Variants in SH3D19 observed in about 807,000 individuals in gnomAD.
The protein encoded by SH3D19 is SH3 domain-containing protein 19.
Under a neutral mutation model 112.1 loss-of-function variants are expected in SH3D19, and 58 were observed. That is an observed-to-expected ratio of 0.52 (90% CI 0.42 to 0.64). The LOEUF is 0.64. SH3D19 is among the 30% of genes least tolerant of loss of function. The probability of loss-of-function intolerance (pLI) is 0.00; values close to 1 mark genes in which losing one functional copy is unlikely to be tolerated. For synonymous variants in SH3D19, 391 were observed against 448.5 expected, an observed-to-expected ratio of 0.87 and a Z score of 1.62; for missense variants, 1,090 against 1,263.4, an observed-to-expected ratio of 0.86 and a Z score of 2.08.
At chr4:151,145,954 A>G (rs1385652353) in intron 11 of SH3D19, among the ~76,000 whole-genome samples, 1 of 152,230 alleles carries the variant, frequency 6.6e-6, no homozygotes, top group Admixed American at 6.5e-5. Flanking sequence ...AAAGTGCTTC[A>G]AACAGCGCCT....
At chr4:151,240,715 CT>C (rs1770484610) in intron 1 of SH3D19, among the ~76,000 whole-genome samples, 1 of 151,938 alleles carries the variant, frequency 6.6e-6, no homozygotes, top group Admixed American at 6.6e-5. Flanking sequence ...GGTACAGTTG[CT>C]TTGGAAAACA....
At chr4:151,169,403 T>C (rs1758664005) in intron 7 of SH3D19, among the ~76,000 whole-genome samples, 1 of 152,154 alleles carries the variant, frequency 6.6e-6, no homozygotes, top group Non-Finnish European at 1.5e-5. Context: ...CTGTGCTCAC[T>C]GAGTCAGTGA....
Position 151,221,596 on chromosome 4 carries a change from T to G in SH3D19, c.152+4451A>C, listed in dbSNP as rs544232986. ...TTTGAGAGTCAGGTTCTTCCCGATT[T>G]GTAAGGTAAAAATACTGATATTTCC... is the stretch of plus-strand genomic sequence containing the variant. On this transcript the variant is annotated intron_variant, in intron 2 of 19. Transcript: ENST00000604030. 3.9e-5 allele frequency among the ~76,000 whole-genome samples: 6 copies of G among 152,368 alleles called. No homozygotes were observed. In the South Asian group the frequency reaches 1.2e-3, roughly 32 times the overall value.
chr4:151,257,540 G>A (rs187826569), intron 1 of SH3D19, among the ~76,000 whole-genome samples: 135 of 152,086 alleles, frequency 8.9e-4, no homozygotes, highest in African/African-American at 3.0e-3. Flanking sequence ...AATATTAAAG[G>A]GTCTCAACAA....
chr4:151,265,696 C>A (rs938973981), intron 1 of SH3D19, among the ~76,000 whole-genome samples: 1 of 151,256 alleles, frequency 6.6e-6, no homozygotes, highest in African/African-American at 2.4e-5. Context: ...CATGCCTCAG[C>A]CTCCGGAGTA....
Position 151,175,225 on chromosome 4 carries a change from T to C in SH3D19, c.979A>G (p.Thr327Ala), listed in dbSNP as rs137967875. 348 of 1,614,100 alleles carry C rather than the reference T, an allele frequency of 2.2e-4. 2 individuals carry two copies. Among genetic ancestry groups the C allele is most frequent in the South Asian group, 1.3e-3 (116 of 91,090 alleles). ...ACAGAAGGTTTCCCTGAGGAAACAG[T>C]AGGCTTTGGAGGAAGTGAACGTGGA... ...ITPRSLPPKP[T>A]VSSGKPSVAP... is the part of the protein sequence containing the mutation. Residue 327 changes from threonine (T) to alanine (A), a missense_variant, in exon 7 of 20, where the codon ACT (threonine) becomes GCT (alanine). By Grantham distance (58) the Thr-to-Ala change is moderately conservative (BLOSUM62 0). Transcript: ENST00000604030.
chr4:151,196,438 C>T (rs899799397), intron 2 of SH3D19, among the ~76,000 whole-genome samples: 20 of 151,768 alleles, frequency 1.3e-4, no homozygotes, highest in African/African-American at 4.3e-4. Flanking sequence ...CAAAAACAAA[C>T]AAACAAAACA....
At position 151,175,391 on chromosome 4, in the gene SH3D19, G is replaced by A. The variant is rs563064055; in HGVS notation, c.813C>T (p.Asn271=). Residue 271 remains asparagine (N), a synonymous_variant, in exon 7 of 20, where the codon AAC becomes AAT. Coordinates refer to ENST00000604030, the MANE Select transcript of SH3D19 (RefSeq NM_001378122.1). ...CTGCCTGACTGTCTGAGGTGCTAGC[G>A]TTGTCCAGCAGAGACTGGGGCCGGC... The part of the protein sequence containing the change: ...SPGRPQSLLD[N]ASTSDSQAVM... The A allele has an allele frequency of 2.4e-4, 380 of 1,577,220 alleles. 1 individual carries two copies. Among genetic ancestry groups the A allele is most frequent in the South Asian group, 1.3e-3 (111 of 83,234 alleles).
At chr4:151,293,099 G>A (rs1031032421) in intron 1 of SH3D19, among the ~76,000 whole-genome samples, 6 of 152,000 alleles carry the variant, frequency 3.9e-5, no homozygotes, top group African/African-American at 1.2e-4. Context: ...CAGCCTGGGC[G>A]AGAGAGCCAG....
chr4:151,230,505 T>C (rs1421698048), intron 1 of SH3D19, among the ~76,000 whole-genome samples: 1 of 151,978 alleles, frequency 6.6e-6, no homozygotes, highest in African/African-American at 2.4e-5. Context: ...AGACCTGAAA[T>C]CATTCTTTGA....
chr4:151,255,435 C>G (rs571233406), intron 1 of SH3D19, among the ~76,000 whole-genome samples: 2 of 151,544 alleles, frequency 1.3e-5, no homozygotes, highest in Non-Finnish European at 2.9e-5. Context: ...GATGGGCGGC[C>G]GGGCAGAGAC....
At chr4:151,146,931 A>T (rs929982454) in intron 11 of SH3D19, among the ~76,000 whole-genome samples, 1 of 152,258 alleles carries the variant, frequency 6.6e-6, no homozygotes, top group African/African-American at 2.4e-5. Context: ...CTATTGATGA[A>T]AACTTCTAAC....
chr4:151,222,389 T>G (rs1408919957), intron 2 of SH3D19, among the ~76,000 whole-genome samples: 2 of 152,156 alleles, frequency 1.3e-5, no homozygotes, highest in Non-Finnish European at 2.9e-5. Context: ...CTGGGTTTTT[T>G]CCCCCTGAAT....
At chr4:151,165,398 C>G (rs894924208) in intron 8 of SH3D19, among the ~76,000 whole-genome samples, 191 bp downstream of exon 8, 2 of 151,818 alleles carry the variant, frequency 1.3e-5, no homozygotes, top group Non-Finnish European at 2.9e-5. Context: ...GAAAGGGAAG[C>G]GAAGGGGAAA....
At chr4:151,271,519 G>A (rs1463909286) in intron 1 of SH3D19, among the ~76,000 whole-genome samples, 1 of 152,118 alleles carries the variant, frequency 6.6e-6, no homozygotes, top group Non-Finnish European at 1.5e-5. Context: ...AGGTGTAGTA[G>A]GTATTACTGG....
At chr4:151,124,443 G>A (rs1748714795) in intron 19 of SH3D19, among the ~76,000 whole-genome samples, 1 of 151,886 alleles carries the variant, frequency 6.6e-6, no homozygotes, top group African/African-American at 2.4e-5. Context: ...TTTTGGCCGG[G>A]TGCAGTGGCT....
chr4:151,147,779 T>G (rs1398643184), intron 11 of SH3D19, 143 bp downstream of exon 11: 3 of 1,032,146 alleles, frequency 2.9e-6, no homozygotes, highest in Non-Finnish European at 4.1e-6. Context: ...TAGAATTTAT[T>G]ATGGCCTACT....
At chr4:151,299,416 A>G (rs1728116221) in intron 1 of SH3D19, among the ~76,000 whole-genome samples, 1 of 152,090 alleles carries the variant, frequency 6.6e-6, no homozygotes, top group South Asian at 2.1e-4. Context: ...CCCCGTCTCC[A>G]CTAAAAATAC....
At chr4:151,149,654 A>C (rs1754564205) in intron 9 of SH3D19, 93 bp from the exon 10 acceptor site, 1 of 1,075,452 alleles carries the variant, frequency 9.3e-7, no homozygotes, top group East Asian at 2.4e-5. Flanking sequence ...CTGGATCTAC[A>C]AGTAGAAATG....
Sources: allele counts gnomAD v4.1 joint callset (sites outside exome capture counted in the v4.1 genomes callset), GRCh38; gene constraint gnomAD v4.1.1; transcripts MANE v1.5; gene names NCBI Gene and HGNC (gene_info 2026-07-23, HGNC 2026-07-21).